Variants in TTYH1 observed in about 807,000 individuals in gnomAD.
TTYH1 encodes the protein tweety family member 1, also known as protein tweety homolog 1.
A neutral mutation model predicts 61.2 loss-of-function variants in TTYH1; 33 were observed. The observed-to-expected ratio is 0.54, with a 90% CI of 0.41 to 0.72. The LOEUF is 0.72. Among genes scored for constraint, TTYH1 ranks in the 30% least tolerant of loss-of-function variants. The pLI is 0.00. For synonymous variants in TTYH1, 308 were observed against 266.4 expected (o/e 1.16, Z -1.52); for missense variants, 538 against 575.8 (o/e 0.93, Z 0.67).
chr19:54,427,620 A>ACAAC (rs776200949), intron 5 of TTYH1, among the ~76,000 whole-genome samples: 93 of 147,876 alleles, frequency 6.3e-4, no homozygotes, highest in African/African-American at 2.1e-3. Flanking sequence ...AACAACAACA[A>ACAAC]AAAAAAAAAA....
In TTYH1 at chr19:54,421,027, C is replaced by T. The variant is rs545296156; in HGVS notation, c.306-250C>T. On this transcript the variant is annotated intron_variant, in intron 2 of 13. Transcript: ENST00000376530. This position sits in a 1 kb window ranked among gnomAD's most constrained non-coding sequence, Gnocchi z 4.8. ...GAGTTAAATCGGGGGCTCCCTCCCC[C>T]CCACCACTCCACCCACCATTAACAT... Among the ~76,000 whole-genome samples, 3 of 152,244 alleles carry T rather than the reference C, an allele frequency of 2.0e-5. No homozygotes were observed. Among genetic ancestry groups the T allele is most frequent in the African/African-American group, 4.8e-5 (2 of 41,538 alleles).
intron 4 of TTYH1, among the ~76,000 whole-genome samples, chr19:54,424,156 G>A (rs886881727): frequency 3.3e-5 from 5 of 150,618 alleles, no homozygotes; most frequent in African/African-American, 4.9e-5. Flanking sequence ...GCGAGAATCC[G>A]TCTTAAAAAA....
chr19:54,424,712 T>A (rs1284951473), intron 4 of TTYH1, among the ~76,000 whole-genome samples: 1 of 151,966 alleles, frequency 6.6e-6, no homozygotes, highest in African/African-American at 2.4e-5. Flanking sequence ...CACTTGGGAG[T>A]CCCTCGACAG....
At chr19:54,429,000 A>C (rs2083382282) in intron 5 of TTYH1, among the ~76,000 whole-genome samples, 1 of 152,088 alleles carries the variant, frequency 6.6e-6, no homozygotes, top group Non-Finnish European at 1.5e-5. Context: ...CTTCGGGGGA[A>C]GTGAGCCCAG....
At chr19:54,426,858 C>A in intron 5 of TTYH1, 90 bp downstream of exon 5, 2 of 1,210,024 alleles carry the variant, frequency 1.7e-6, no homozygotes, top group Non-Finnish European at 2.4e-6. Context: ...ACACGGAGGA[C>A]CGTGGTCCTT....
At position 54,436,539 on chromosome 19, in the gene TTYH1, C is replaced by G; in HGVS notation, c.*249C>G. 1 of 713,622 alleles carries G rather than the reference C, an allele frequency of 1.4e-6. No individual in the cohort carries two copies. Among genetic ancestry groups the G allele is most frequent in the Admixed American group, 2.3e-5 (1 of 44,076 alleles). The allele number at this position is 713,622 out of a possible 1,614,324, so 44.2% of individuals were successfully genotyped here. ...GGGGAGGGGGCAGACAGCCTCGCCT[C>G]GCACCCTTCATCCCTGGCTGCCGGT... On this transcript the variant is annotated 3_prime_UTR_variant, in exon 14 of 14. Coordinates refer to ENST00000376530, the MANE Select transcript of TTYH1 (RefSeq NM_020659.4). This position sits in a 1 kb window ranked among gnomAD's most constrained non-coding sequence, Gnocchi z 4.3.
At chr19:54,431,252 A>C in intron 10 of TTYH1, 61 bp downstream of exon 10, 1 of 1,162,972 alleles carries the variant, frequency 8.6e-7, no homozygotes, top group South Asian at 1.2e-5. Flanking sequence ...GACCCACAGA[A>C]CTACCTCCTC....
chr19:54,436,118 T>A lies in TTYH1; in HGVS notation c.1342T>A (p.Ser448Thr). 1 of 1,614,104 alleles carries A rather than the reference T, an allele frequency of 6.2e-7. No homozygotes were observed. Among genetic ancestry groups the A allele is most frequent in the Non-Finnish European group, 8.5e-7 (1 of 1,179,998 alleles). ...ATCCAAGCGCTTTGTGCAGTGGCAG[T>A]CGTCTATCTGAGCCCCTCCTCCCGG... is the stretch of plus-strand genomic sequence containing the variant. ...QESKRFVQWQ[S>T]SI is the part of the protein sequence containing the mutation. The change falls in exon 13 of 14, where the codon TCG becomes ACG. Residue 448 changes from serine to threonine, a missense_variant. By Grantham distance (58) the Ser-to-Thr change is moderately conservative. This residue lies in a region of TTYH1 where 378 missense variants were observed against 401.2 expected (regional missense o/e 0.94). Transcript: ENST00000376530. The surrounding 1 kb of genome is among the most constrained non-coding windows in gnomAD (Gnocchi z 4.3).
At chr19:54,431,447 C>G (rs2083443259) in intron 10 of TTYH1, 1 of 526,342 alleles carries the variant, frequency 1.9e-6, no homozygotes, top group Non-Finnish European at 3.3e-6. Flanking sequence ...CCCGCTGGGT[C>G]CCCATCCCAC....
chr19:54,417,217 C>T (rs1177211733), intron 1 of TTYH1, among the ~76,000 whole-genome samples: 2 of 151,560 alleles, frequency 1.3e-5, no homozygotes, highest in Admixed American at 1.3e-4. Flanking sequence ...CCCAGACACG[C>T]CCACTTATTC....
rs149697966 is a variant in TTYH1, at chr19:54,422,654, G to A, written c.638+244G>A. The stretch of plus-strand genomic sequence containing the variant: ...ACAATTATGACGAGGCTGGCCAGGC[G>A]CGGTGGCTCAGGCCTGTAATCCCAG... On this transcript the variant is annotated intron_variant, in intron 4 of 13. Coordinates refer to ENST00000376530, the MANE Select transcript of TTYH1 (RefSeq NM_020659.4). Among the ~76,000 whole-genome samples the A allele has an allele frequency of 1.1e-3, 161 of 152,210 alleles. 5 individuals carry two copies. The East Asian group carries it at 0.024, about 23-fold the overall frequency.
intron 4 of TTYH1, among the ~76,000 whole-genome samples, chr19:54,424,928 G>T (rs7251091): frequency 2.0e-5 from 3 of 151,926 alleles, no homozygotes; most frequent in African/African-American, 4.8e-5. Flanking sequence ...CCAAGATCGT[G>T]GTGGCCACTT....
chr19:54,425,300 G>C lies in TTYH1; in HGVS notation c.639-1373G>C, dbSNP rs113714362. ...CGAAAGCTCAGCTCAAGCCGTAACA[G>C]ACACGGACCAGAAGAGTGTGCAGTT... On this transcript the variant is annotated intron_variant, in intron 4 of 13. Transcript: ENST00000376530. Among the ~76,000 whole-genome samples the C allele has an allele frequency of 8.5e-5, 13 of 152,364 alleles. 1 individual carries two copies. The highest frequency in any genetic ancestry group is 3.1e-4 in the African/African-American group (13 of 41,588).
chr19:54,415,611 C>T lies in TTYH1; in HGVS notation c.59C>T (p.Pro20Leu). 1 of 1,559,502 alleles carries T rather than the reference C, an allele frequency of 6.4e-7. No individual in the cohort carries two copies. Among genetic ancestry groups the T allele is most frequent in the Non-Finnish European group, 8.6e-7 (1 of 1,160,066 alleles). Reference protein sequence around the residue: ...SAWVHLLHQLPRADFQLRPVP... With the variant: ...SAWVHLLHQLLRADFQLRPVP... ...TGGGTGCATCTCCTCCACCAGCTGC[C>T]CCGCGCCGACTTCCAGCTCCGCCCG... Residue 20 changes from proline (P) to leucine (L), a missense_variant, in exon 1 of 14, where the codon CCC (proline) becomes CTC (leucine). Physicochemically the swap from Pro to Leu is moderately conservative, Grantham distance 98 (BLOSUM62 -3). This residue lies in a region of TTYH1 where 157 missense variants were observed against 157.0 expected (regional missense o/e 1.00). Coordinates refer to ENST00000376530, the MANE Select transcript of TTYH1 (RefSeq NM_020659.4). The surrounding 1 kb of genome is among the most constrained non-coding windows in gnomAD (Gnocchi z 5.2).
Position 54,435,701 on chromosome 19 carries a change from G to A in TTYH1, c.1268+17G>A. ...CCCACCCAGGTCAGGAGCGGGGGAG[G>A]GTAGGGTCCTGGGGAGGGAAGAGGA... On this transcript the variant is annotated intron_variant, in intron 11 of 13. Coordinates refer to ENST00000376530, the MANE Select transcript of TTYH1 (RefSeq NM_020659.4). 1 of 1,608,502 alleles carries A rather than the reference G, an allele frequency of 6.2e-7. No individual in the cohort carries two copies. The highest frequency in any genetic ancestry group is 8.5e-7 in the Non-Finnish European group (1 of 1,177,298).
At chr19:54,424,038 G>T (rs1277897551) in intron 4 of TTYH1, among the ~76,000 whole-genome samples, 1 of 152,086 alleles carries the variant, frequency 6.6e-6, no homozygotes, top group Non-Finnish European at 1.5e-5. Context: ...GTGGGCGCCT[G>T]TAGTCCCAGC....
intron 7 of TTYH1, among the ~76,000 whole-genome samples, 167 bp downstream of exon 7, chr19:54,430,124 C>A (rs1028345519): frequency 3.3e-5 from 5 of 152,136 alleles, no homozygotes; most frequent in Non-Finnish European, 4.4e-5. Context: ...CTCCCCAGCT[C>A]GGAGCCCTCC....
intron 5 of TTYH1, among the ~76,000 whole-genome samples, chr19:54,428,444 T>G (rs772983307): frequency 5.9e-5 from 9 of 152,068 alleles, no homozygotes; most frequent in Admixed American, 1.3e-4. Flanking sequence ...CAGGCTGGTC[T>G]CGAACTCCTG....
In TTYH1 at chr19:54,415,479, C is replaced by T; in HGVS notation, c.-74C>T. On this transcript the variant is annotated 5_prime_UTR_variant, in exon 1 of 14. Coordinates refer to ENST00000376530, the MANE Select transcript of TTYH1 (RefSeq NM_020659.4). The surrounding 1 kb of genome is among the most constrained non-coding windows in gnomAD (Gnocchi z 5.2). ...CCCTGAGCCCAGCCAGACCCCGCGC[C>T]GCCCGCGCCCCGCTCGACTCCGGAG... 1 of 1,277,052 alleles carries T rather than the reference C, an allele frequency of 7.8e-7. No homozygotes were observed. The highest frequency in any genetic ancestry group is 9.8e-7 in the Non-Finnish European group (1 of 1,015,550). The allele number at this position is 1,277,052 out of a possible 1,614,324, so 79.1% of individuals were successfully genotyped here.
Sources: allele counts gnomAD v4.1 joint callset (sites outside exome capture counted in the v4.1 genomes callset), GRCh38; gene constraint gnomAD v4.1.1; regional missense constraint gnomAD v4.1.1; non-coding constraint Gnocchi (gnomAD v3.1); transcripts MANE v1.5; gene names NCBI Gene and HGNC (gene_info 2026-07-23, HGNC 2026-07-21).